The following ARHGAP42 variants were observed in gnomAD, a reference collection of about 807,000 sequenced individuals.
ARHGAP42 encodes Rho GTPase activating protein 42.
In ARHGAP42, 63 loss-of-function variants were observed where a neutral mutation model predicts 125.0. That is an observed-to-expected ratio of 0.50 (90% CI 0.41 to 0.62). The LOEUF (loss-of-function observed/expected upper bound fraction) is 0.62. Ranked by LOEUF, ARHGAP42 falls within the 20% of genes least tolerant of loss-of-function variation. The pLI, the probability that ARHGAP42 is intolerant of heterozygous loss-of-function variation, is 0.00. For missense variants in ARHGAP42, 766 were observed against 1,024.2 expected (o/e 0.75, Z 3.44); for synonymous variants, 339 against 351.0 (o/e 0.97, Z 0.38).
chr11:100,705,693 A>G (rs900421756), intron 1 of ARHGAP42, among the ~76,000 whole-genome samples: 2 of 152,168 alleles, frequency 1.3e-5, no homozygotes, highest in African/African-American at 4.8e-5. Flanking sequence ...TCTAAGCAAT[A>G]TCTTTACCTT....
chr11:100,965,376 C>T (rs771030899), intron 16 of ARHGAP42, among the ~76,000 whole-genome samples: 1 of 152,096 alleles, frequency 6.6e-6, no homozygotes, highest in Non-Finnish European at 1.5e-5. Context: ...GGTAGTAAAA[C>T]CCAAGCAGGT....
chr11:100,821,030 A>G (rs1864393487), intron 3 of ARHGAP42, among the ~76,000 whole-genome samples: 1 of 151,938 alleles, frequency 6.6e-6, no homozygotes, highest in Non-Finnish European at 1.5e-5. Context: ...GAGATGTAAG[A>G]AAAGGTATCT....
chr11:100,981,590 C>T (rs111401384), intron 22 of ARHGAP42, among the ~76,000 whole-genome samples: 3 of 152,166 alleles, frequency 2.0e-5, no homozygotes, highest in African/African-American at 7.2e-5. Flanking sequence ...AGTAACCCCC[C>T]CAGCATTGCT....
At chr11:100,817,402 C>A (rs567402098) in intron 3 of ARHGAP42, among the ~76,000 whole-genome samples, 1 of 152,048 alleles carries the variant, frequency 6.6e-6, no homozygotes, top group Admixed American at 6.6e-5. Context: ...GTTGGGGGTA[C>A]TTATTAGTCT....
intron 3 of ARHGAP42, among the ~76,000 whole-genome samples, chr11:100,857,249 C>G (rs1865342563): frequency 6.6e-6 from 1 of 151,750 alleles, no homozygotes; most frequent in African/African-American, 2.4e-5. Flanking sequence ...AAAGCAAATC[C>G]CAAAACAAAG....
intron 19 of ARHGAP42, 42 bp from the exon 20 acceptor site, chr11:100,976,015 A>G: frequency 6.8e-7 from 1 of 1,461,718 alleles, no homozygotes; most frequent in South Asian, 1.5e-5. Flanking sequence ...TTATCAATAG[A>G]TAGTTACAGT....
chr11:100,970,577 G>T (rs1858213949), intron 17 of ARHGAP42, among the ~76,000 whole-genome samples: 1 of 150,650 alleles, frequency 6.6e-6, no homozygotes, highest in African/African-American at 2.4e-5. Context: ...TCCTTGCCAG[G>T]TCACTTAAAA....
chr11:100,857,514 A>G (rs1865348793), intron 3 of ARHGAP42, among the ~76,000 whole-genome samples: 2 of 152,064 alleles, frequency 1.3e-5, no homozygotes, highest in Admixed American at 6.6e-5. Context: ...ACATCCATTC[A>G]TATTTATTAG....
intron 3 of ARHGAP42, among the ~76,000 whole-genome samples, chr11:100,810,123 C>T (rs1336298731): frequency 6.6e-6 from 1 of 151,756 alleles, no homozygotes; most frequent in Non-Finnish European, 1.5e-5. Context: ...TGAACAGAAC[C>T]TTTAAAAAGT....
chr11:100,932,903 A>G (rs953177911), intron 6 of ARHGAP42, among the ~76,000 whole-genome samples: 5 of 152,180 alleles, frequency 3.3e-5, no homozygotes, highest in Non-Finnish European at 5.9e-5. Flanking sequence ...ATGCATTTGA[A>G]TAGCAGAATA....
intron 6 of ARHGAP42, among the ~76,000 whole-genome samples, chr11:100,928,454 T>C (rs992062665): frequency 3.3e-5 from 5 of 151,918 alleles, no homozygotes; most frequent in African/African-American, 1.2e-4. Flanking sequence ...GGGCATGGTG[T>C]CATGCGCCTG....
rs777532150 is a variant in ARHGAP42 at position 100,693,428 on chromosome 11, A to G, written c.154+5596A>G. On this transcript the variant is annotated intron_variant, in intron 1 of 23. Coordinates refer to ENST00000298815, the MANE Select transcript of ARHGAP42 (RefSeq NM_152432.4). ...GTGCTTTAAGGTTCTGTTTCCAGAG[A>G]CCTGTTGCAAGTAAAAGCAGTTATA... Among the ~76,000 whole-genome samples the G allele has an allele frequency of 3.9e-5, 6 of 152,166 alleles. 1 individual carries two copies. Among genetic ancestry groups the G allele is most frequent in the Admixed American group, 2.0e-4 (3 of 15,276 alleles).
chr11:100,961,554 T>G, intron 14 of ARHGAP42, 130 bp from the exon 15 acceptor site: 1 of 722,886 alleles, frequency 1.4e-6, no homozygotes, highest in Admixed American at 2.8e-5. Context: ...AGTACTAATG[T>G]TAACTCTTGG....
intron 12 of ARHGAP42, among the ~76,000 whole-genome samples, chr11:100,957,865 T>G (rs769224091): frequency 2.6e-5 from 4 of 152,128 alleles, no homozygotes; most frequent in Non-Finnish European, 4.4e-5. Context: ...GCCTGGTTAT[T>G]ACTTATTTTT....
intron 1 of ARHGAP42, among the ~76,000 whole-genome samples, chr11:100,717,935 A>AAG (rs1351384864): frequency 9.9e-5 from 15 of 152,188 alleles, no homozygotes; most frequent in African/African-American, 3.6e-4. Context: ...AAAAAAAAAA[A>AAG]AAAAGACACC....
At chr11:100,776,172 A>T (rs1863115215) in intron 2 of ARHGAP42, among the ~76,000 whole-genome samples, 2 of 130,150 alleles carry the variant, frequency 1.5e-5, no homozygotes, top group Non-Finnish European at 3.7e-5. Context: ...AAAAAAAAAA[A>T]GTTAGATATT....
intron 2 of ARHGAP42, among the ~76,000 whole-genome samples, chr11:100,779,591 T>A (rs1863249684): frequency 7.0e-6 from 1 of 142,064 alleles, no homozygotes; most frequent in Non-Finnish European, 1.6e-5. Context: ...CATATATACG[T>A]GTATATATAT....
At chr11:100,860,074 A>G (rs1314403887) in intron 4 of ARHGAP42, among the ~76,000 whole-genome samples, 1 of 152,162 alleles carries the variant, frequency 6.6e-6, no homozygotes, top group Non-Finnish European at 1.5e-5. Flanking sequence ...TGTTTAATTG[A>G]CTATGGACCA....
chr11:100,965,300 C>T (rs188280710), intron 16 of ARHGAP42, among the ~76,000 whole-genome samples: 98 of 152,236 alleles, frequency 6.4e-4, no homozygotes, highest in Middle Eastern at 3.4e-3. Context: ...TAATGACTGG[C>T]ACATTAGGCA....
Sources: gnomAD v4.1 joint callset for allele counts (sites outside exome capture counted in the v4.1 genomes callset) on GRCh38, gnomAD v4.1.1 for gene constraint, MANE v1.5 for transcripts, NCBI Gene and HGNC (gene_info 2026-07-23, HGNC 2026-07-21) for gene names.